The following NTM variants were observed in gnomAD, a reference collection of about 807,000 sequenced individuals.
The protein encoded by NTM is IgLON family member 2.
Under a neutral mutation model 42.1 loss-of-function variants are expected in NTM, and 13 were observed. The observed-to-expected ratio is 0.31, with a 90% CI of 0.20 to 0.49. The LOEUF (loss-of-function observed/expected upper bound fraction) is 0.49. Among genes scored for constraint, NTM ranks in the 20% least tolerant of loss-of-function variants. NTM has a pLI of 0.99. For synonymous variants in NTM, 187 were observed against 179.2 expected (o/e 1.04, Z -0.35); for missense variants, 373 against 452.8 (o/e 0.82, Z 1.60).
At chr11:131,636,514 C>T (rs1266663983) in intron 1 of NTM, among the ~76,000 whole-genome samples, 4 of 152,164 alleles carry the variant, frequency 2.6e-5, no homozygotes, top group South Asian at 4.1e-4. Flanking sequence ...GCTGTGGACA[C>T]GGAGGGTCAA....
chr11:131,565,767 T>G (rs2056817747), intron 1 of NTM, among the ~76,000 whole-genome samples: 1 of 152,178 alleles, frequency 6.6e-6, no homozygotes, highest in Non-Finnish European at 1.5e-5. Flanking sequence ...CCCCGTGACT[T>G]CTGAACACCC....
At chr11:132,327,910 C>T (rs1254271967) in intron 7 of NTM, among the ~76,000 whole-genome samples, 1 of 145,998 alleles carries the variant, frequency 6.8e-6, no homozygotes, top group Non-Finnish European at 1.5e-5. Flanking sequence ...TGTTAATATA[C>T]CATTAACAAA....
At chr11:132,222,927 G>A (rs1227731853) in intron 4 of NTM, among the ~76,000 whole-genome samples, 3 of 152,096 alleles carry the variant, frequency 2.0e-5, no homozygotes, top group African/African-American at 7.2e-5. Flanking sequence ...TTTCATCACT[G>A]CCTTGCCCTT....
rs190732726 is a variant in NTM, at chr11:131,998,412, T to A, written c.167+86764T>A. On this transcript the variant is annotated intron_variant, in intron 2 of 8. Coordinates refer to ENST00000683400, the MANE Select transcript of NTM (RefSeq NM_001352005.2). ...AGCTCTGCTGCATCCTGGGCCCCCCTTGTCCTACCACACAGGCAAGGCTCT... is the reference window on the plus strand; with the variant it reads ...AGCTCTGCTGCATCCTGGGCCCCCCATGTCCTACCACACAGGCAAGGCTCT... Among the ~76,000 whole-genome samples, 396 of 152,280 alleles carry A rather than the reference T, an allele frequency of 2.6e-3. 3 individuals are homozygous for A. The highest frequency in any genetic ancestry group is 8.9e-3 in the African/African-American group (370 of 41,562).
chr11:131,708,938 G>A (rs2076850581), intron 1 of NTM, among the ~76,000 whole-genome samples: 1 of 152,170 alleles, frequency 6.6e-6, no homozygotes, highest in African/African-American at 2.4e-5. Flanking sequence ...AGGTGGGGTT[G>A]CAATTTTAAA....
At chr11:131,489,603 A>G (rs570396238) in intron 1 of NTM, among the ~76,000 whole-genome samples, 1 of 152,280 alleles carries the variant, frequency 6.6e-6, no homozygotes, top group African/African-American at 2.4e-5. Context: ...CTTTGATTTG[A>G]TCTTTACCCG....
chr11:132,244,798 C>T (rs1235785785), intron 4 of NTM, among the ~76,000 whole-genome samples: 1 of 152,122 alleles, frequency 6.6e-6, no homozygotes, highest in African/African-American at 2.4e-5. Flanking sequence ...AGAGGGAGCC[C>T]CCAGTTCCCC....
chr11:132,089,691 T>A (rs1039023666), intron 2 of NTM, among the ~76,000 whole-genome samples: 4 of 152,220 alleles, frequency 2.6e-5, no homozygotes, highest in African/African-American at 9.6e-5. Flanking sequence ...TAGGGCATTG[T>A]TCTCATAAAC....
intron 1 of NTM, among the ~76,000 whole-genome samples, chr11:131,749,305 A>G (rs117637732): frequency 6.6e-6 from 1 of 152,304 alleles, no homozygotes; most frequent in East Asian, 1.9e-4. Context: ...CCTGGCATGT[A>G]ATAAGGGAAT....
intron 1 of NTM, among the ~76,000 whole-genome samples, chr11:131,478,637 T>C (rs1953215221): frequency 6.6e-6 from 1 of 152,202 alleles, no homozygotes; most frequent in Non-Finnish European, 1.5e-5. Context: ...CCAAGCACAT[T>C]CATAATCAGA....
At chr11:131,923,080 A>G (rs1358371907) in intron 2 of NTM, among the ~76,000 whole-genome samples, 1 of 151,950 alleles carries the variant, frequency 6.6e-6, no homozygotes, top group Non-Finnish European at 1.5e-5. Context: ...AAGGCTTTAC[A>G]GATCATCCTG....
chr11:131,652,940 G>T (rs138194042), intron 1 of NTM, among the ~76,000 whole-genome samples: 1 of 152,102 alleles, frequency 6.6e-6, no homozygotes, highest in East Asian at 1.9e-4. Flanking sequence ...ATCCTTTACC[G>T]CCCTGCCAGA....
At chr11:132,222,213 C>A (rs2085311966) in intron 4 of NTM, among the ~76,000 whole-genome samples, 1 of 152,164 alleles carries the variant, frequency 6.6e-6, no homozygotes, top group South Asian at 2.1e-4. Context: ...TCCTCACTGG[C>A]AGCTGAGCTC....
chr11:132,224,623 G>A (rs1282293836), intron 4 of NTM, among the ~76,000 whole-genome samples: 2 of 152,196 alleles, frequency 1.3e-5, no homozygotes, highest in African/African-American at 2.4e-5. Flanking sequence ...TGCCCCTGAA[G>A]GTACAGCAGT....
chr11:132,110,112 A>C (rs541213395), intron 2 of NTM, among the ~76,000 whole-genome samples: 3 of 152,298 alleles, frequency 2.0e-5, no homozygotes, highest in South Asian at 4.1e-4. Flanking sequence ...CTCTGCAATA[A>C]ACTTGCATCT....
At chr11:131,565,750 G>T (rs927377386) in intron 1 of NTM, among the ~76,000 whole-genome samples, 1 of 152,196 alleles carries the variant, frequency 6.6e-6, no homozygotes, top group African/African-American at 2.4e-5. Flanking sequence ...ATCCTGTGGG[G>T]ACTCTGCCCC....
intron 4 of NTM, among the ~76,000 whole-genome samples, chr11:132,252,265 T>C (rs3099800): frequency 0.48 from 72,184 of 151,876 alleles, 17,562 homozygotes; most frequent in African/African-American, 0.54. Context: ...TATCAGCTCC[T>C]TTATCAGCTC....
chr11:131,911,428 G>C (rs1017142620), intron 1 of NTM, 136 bp from the exon 2 acceptor site: 2 of 1,610,254 alleles, frequency 1.2e-6, no homozygotes, highest in Non-Finnish European at 1.7e-6. Context: ...GTGCTCGCCC[G>C]GGGGGCGTGT....
intron 2 of NTM, among the ~76,000 whole-genome samples, chr11:131,961,824 T>G (rs1210780050): frequency 6.6e-6 from 1 of 152,148 alleles, no homozygotes; most frequent in African/African-American, 2.4e-5. Context: ...AGAGATCACC[T>G]TTTGTCAGGA....
Sources: gnomAD v4.1 joint callset for allele counts (sites outside exome capture counted in the v4.1 genomes callset) on GRCh38, gnomAD v4.1.1 for gene constraint, MANE v1.5 for transcripts, NCBI Gene and HGNC (gene_info 2026-07-23, HGNC 2026-07-21) for gene names.